Variants in GRIK3 observed in about 807,000 individuals in gnomAD.
GRIK3 encodes glutamate ionotropic receptor kainate type subunit 3.
Under a neutral mutation model 102.5 loss-of-function variants are expected in GRIK3, and 29 were observed. That is an observed-to-expected ratio of 0.28 (90% CI 0.21 to 0.39). GRIK3 has a LOEUF of 0.39. GRIK3 is among the 10% of genes least tolerant of loss of function. The pLI is 1.00. For synonymous variants in GRIK3, 511 were observed against 504.9 expected, an observed-to-expected ratio of 1.01 and a Z score of -0.16; for missense variants, 908 against 1,252.4, an observed-to-expected ratio of 0.73 and a Z score of 4.15.
intron 1 of GRIK3, among the ~76,000 whole-genome samples, chr1:36,925,765 G>A (rs1395344666): frequency 1.3e-5 from 2 of 152,220 alleles, no homozygotes; most frequent in African/African-American, 2.4e-5. Context: ...TGGAATGTCT[G>A]GGTCCCTGCA....
At chr1:37,027,067 A>G (rs899028311) in intron 1 of GRIK3, among the ~76,000 whole-genome samples, 1 of 152,026 alleles carries the variant, frequency 6.6e-6, no homozygotes, top group African/African-American at 2.4e-5. Flanking sequence ...AAGCCTAGAT[A>G]CCGACTCACC....
At chr1:36,836,929 A>G (rs957354316) in intron 10 of GRIK3, among the ~76,000 whole-genome samples, 3 of 151,792 alleles carry the variant, frequency 2.0e-5, no homozygotes, top group Admixed American at 1.3e-4. Context: ...GCTTGTGCCA[A>G]CTCGTGGATG....
intron 1 of GRIK3, among the ~76,000 whole-genome samples, chr1:36,907,605 C>G (rs572189132): frequency 6.6e-6 from 1 of 152,200 alleles, no homozygotes; most frequent in South Asian, 2.1e-4. Context: ...AGACAGAAGA[C>G]TCAGCAGAAG....
At chr1:36,992,787 G>A (rs532467133) in intron 1 of GRIK3, among the ~76,000 whole-genome samples, 2 of 152,166 alleles carry the variant, frequency 1.3e-5, no homozygotes, top group African/African-American at 2.4e-5. Context: ...AGATCCTCAC[G>A]ACTCTGTGAG....
chr1:36,879,265 G>A (rs1640940454), intron 3 of GRIK3, among the ~76,000 whole-genome samples: 1 of 152,094 alleles, frequency 6.6e-6, no homozygotes, highest in South Asian at 2.1e-4. Flanking sequence ...AGGCTGAGGT[G>A]GGAGGATTGC....
intron 1 of GRIK3, among the ~76,000 whole-genome samples, chr1:36,923,156 T>C (rs191369572): frequency 1.3e-5 from 2 of 152,382 alleles, no homozygotes; most frequent in African/African-American, 2.4e-5. Flanking sequence ...TTAATGTTTC[T>C]GGTTAAATTA....
At chr1:36,845,068 G>A (rs3767045) in intron 9 of GRIK3, among the ~76,000 whole-genome samples, 1 of 152,134 alleles carries the variant, frequency 6.6e-6, no homozygotes, top group Non-Finnish European at 1.5e-5. Flanking sequence ...AGTGCTTTGC[G>A]GATGGCATAC....
rs144031233 is a variant in GRIK3 at position 36,974,086 on chromosome 1, G to C, written c.115+59908C>G. On this transcript the variant is annotated intron_variant, in intron 1 of 15. Transcript: ENST00000373091. ...GCCCCAGCAAACCCATGAAATACTG[G>C]GCAGCAGCCAGCTCAGCATTTCATT... is the stretch of plus-strand genomic sequence containing the variant. 3.2e-4 allele frequency among the ~76,000 whole-genome samples: 48 copies of C among 152,214 alleles called. No homozygotes were observed. The East Asian group carries it at 7.7e-3, about 25-fold the overall frequency.
At chr1:37,018,693 T>C (rs1642678663) in intron 1 of GRIK3, among the ~76,000 whole-genome samples, 1 of 152,202 alleles carries the variant, frequency 6.6e-6, no homozygotes. Context: ...AGCCACCTTT[T>C]GCCAGATGAG....
intron 1 of GRIK3, among the ~76,000 whole-genome samples, chr1:36,893,981 T>A (rs1350741534): frequency 2.6e-5 from 4 of 152,228 alleles, no homozygotes; most frequent in Non-Finnish European, 5.9e-5. Context: ...TCTATATTTT[T>A]TCCAATTAAA....
intron 1 of GRIK3, among the ~76,000 whole-genome samples, chr1:36,979,811 G>A (rs1309368715): frequency 6.6e-6 from 1 of 152,244 alleles, no homozygotes; most frequent in Non-Finnish European, 1.5e-5. Context: ...TGTGGATGGA[G>A]GGAGAACAAG....
chr1:36,998,671 A>G (rs889131745), intron 1 of GRIK3, among the ~76,000 whole-genome samples: 6 of 152,166 alleles, frequency 3.9e-5, no homozygotes, highest in Non-Finnish European at 4.4e-5. Context: ...TCTCCATTTT[A>G]TAGAAGAGGA....
At chr1:36,913,241 G>C (rs1641366162) in intron 1 of GRIK3, among the ~76,000 whole-genome samples, 1 of 152,208 alleles carries the variant, frequency 6.6e-6, no homozygotes, top group Admixed American at 6.5e-5. Flanking sequence ...GCCAGGATCA[G>C]GGAGAGAACC....
intron 1 of GRIK3, among the ~76,000 whole-genome samples, chr1:36,900,437 G>C (rs2124282259): frequency 6.6e-6 from 1 of 152,216 alleles, no homozygotes; most frequent in South Asian, 2.1e-4. Flanking sequence ...ACTGTGCCCA[G>C]CTTAAACAAT....
chr1:36,973,166 T>G (rs1490086163), intron 1 of GRIK3, among the ~76,000 whole-genome samples: 1 of 152,128 alleles, frequency 6.6e-6, no homozygotes, highest in Admixed American at 6.5e-5. Flanking sequence ...CCCCCAGCCC[T>G]TAGGATAGCA....
intron 1 of GRIK3, among the ~76,000 whole-genome samples, chr1:36,941,855 C>T (rs1215829661): frequency 6.6e-6 from 1 of 152,154 alleles, no homozygotes; most frequent in Admixed American, 6.5e-5. Flanking sequence ...CATTCCACTG[C>T]AATATAAGCC....
At chr1:36,812,815 C>T (rs959064165) in intron 13 of GRIK3, among the ~76,000 whole-genome samples, 1 of 152,130 alleles carries the variant, frequency 6.6e-6, no homozygotes, top group African/African-American at 2.4e-5. Flanking sequence ...ACATGCTAAC[C>T]ACAGAAATCA....
intron 13 of GRIK3, among the ~76,000 whole-genome samples, chr1:36,807,110 C>A (rs192751164): frequency 6.6e-6 from 1 of 152,126 alleles, no homozygotes; most frequent in Admixed American, 6.5e-5. Flanking sequence ...CCCCCTTCAG[C>A]TACACCAGAG....
chr1:36,803,415 T>G (rs1642463653), intron 15 of GRIK3, among the ~76,000 whole-genome samples: 1 of 152,068 alleles, frequency 6.6e-6, no homozygotes, highest in African/African-American at 2.4e-5. Context: ...GAGCTCTTTT[T>G]TATTTTCATT....
Sources: allele counts gnomAD v4.1 joint callset (sites outside exome capture counted in the v4.1 genomes callset), GRCh38; gene constraint gnomAD v4.1.1; transcripts MANE v1.5; gene names NCBI Gene and HGNC (gene_info 2026-07-23, HGNC 2026-07-21).